The following PCDH10 variants were observed in gnomAD, a reference collection of about 807,000 sequenced individuals.
PCDH10 encodes the protein protocadherin 10.
PCDH10 carries 15 observed loss-of-function variants against 74.4 expected under a neutral mutation model. The ratio of observed to expected loss-of-function variants is 0.20; its 90% confidence interval spans 0.13 to 0.31. PCDH10 has a LOEUF of 0.31. Ranked by LOEUF, PCDH10 falls within the 10% of genes least tolerant of loss-of-function variation. The pLI is 1.00. For synonymous variants in PCDH10, 619 were observed against 589.8 expected (o/e 1.05, Z -0.72); for missense variants, 1,260 against 1,390.2 (o/e 0.91, Z 1.49).
At chr4:133,188,676 T>TG (rs1360370588) in intron 4 of PCDH10, among the ~76,000 whole-genome samples, 2 of 140,448 alleles carry the variant, frequency 1.4e-5, no homozygotes, top group African/African-American at 5.4e-5. Flanking sequence ...TTTTTTTTTT[T>TG]TTTTTTTTTT....
rs373966103 is a variant in PCDH10, at chr4:133,191,000, A to G, written c.*840A>G. 1 of 152,358 alleles carries G rather than the reference A, an allele frequency of 6.6e-6. No homozygotes were observed. Among genetic ancestry groups the G allele is most frequent in the African/African-American group, 2.4e-5 (1 of 41,440 alleles). 9.4% of individuals were successfully genotyped at this position (152,358 alleles called of 1,614,324 possible). A position where few individuals can be genotyped will look rare whatever the true frequency, so the allele number is the denominator to read the frequency against. On this transcript the variant is annotated 3_prime_UTR_variant, in exon 5 of 5. Transcript: ENST00000264360. Reference sequence around the variant, plus strand: ...AAATTTTGTCAAAAACTCATATTGAATTTTCAATGCCAAAGATGTAGCTAT... The same window carrying G: ...AAATTTTGTCAAAAACTCATATTGAGTTTTCAATGCCAAAGATGTAGCTAT...
intron 2 of PCDH10, among the ~76,000 whole-genome samples, chr4:133,204,146 A>G (rs1283102359): frequency 6.6e-6 from 1 of 152,182 alleles, no homozygotes; most frequent in Non-Finnish European, 1.5e-5. Flanking sequence ...ATGGGATGCA[A>G]TGAGGGAAAC....
chr4:133,197,555 A>C (rs1727819835), downstream of PCDH10, among the ~76,000 whole-genome samples: 1 of 152,170 alleles, frequency 6.6e-6, no homozygotes, highest in South Asian at 2.1e-4. Flanking sequence ...AACTTAACTG[A>C]CATTTCTAAG....
At chr4:133,166,527 A>G (rs1488134282) in intron 4 of PCDH10, among the ~76,000 whole-genome samples, 2 of 151,550 alleles carry the variant, frequency 1.3e-5, no homozygotes, top group Non-Finnish European at 3.0e-5. Flanking sequence ...TAATCTCCAT[A>G]AATAAAAATA....
downstream of PCDH10, among the ~76,000 whole-genome samples, chr4:133,197,417 G>A (rs1158487016): frequency 6.6e-6 from 1 of 152,104 alleles, no homozygotes; most frequent in African/African-American, 2.4e-5. Flanking sequence ...TAGCTTGACA[G>A]GCTCTGTTCC....
intron 4 of PCDH10, among the ~76,000 whole-genome samples, chr4:133,179,672 C>G (rs1727367962): frequency 6.6e-6 from 1 of 152,100 alleles, no homozygotes; most frequent in Non-Finnish European, 1.5e-5. Flanking sequence ...CTTATAGATT[C>G]TTAAACATAA....
intron 4 of PCDH10, among the ~76,000 whole-genome samples, chr4:133,178,878 G>A (rs529222496): frequency 8.7e-4 from 130 of 150,090 alleles, no homozygotes; most frequent in African/African-American, 3.1e-3. Context: ...TGATCATTAT[G>A]TGCCTTATTT....
chr4:133,182,698 T>A (rs1329811218), intron 4 of PCDH10, among the ~76,000 whole-genome samples: 1 of 152,102 alleles, frequency 6.6e-6, no homozygotes, highest in African/African-American at 2.4e-5. Flanking sequence ...TCAGAACATC[T>A]GAAAAATAAT....
chr4:133,202,317 A>C (rs976325204), intron 2 of PCDH10, among the ~76,000 whole-genome samples: 5 of 152,170 alleles, frequency 3.3e-5, no homozygotes, highest in Non-Finnish European at 4.4e-5. Context: ...TTAGTAGCTT[A>C]AATAGGAATT....
At chr4:133,165,551 C>T (rs908994863) in intron 4 of PCDH10, among the ~76,000 whole-genome samples, 6 of 151,736 alleles carry the variant, frequency 4.0e-5, no homozygotes, top group Non-Finnish European at 8.9e-5. Context: ...AAGTAAGTCC[C>T]TTGCATAATT....
intron 4 of PCDH10, among the ~76,000 whole-genome samples, chr4:133,181,785 T>A (rs1031017473): frequency 5.3e-5 from 8 of 152,068 alleles, no homozygotes; most frequent in Non-Finnish European, 8.8e-5. Flanking sequence ...TTAGGGAAAA[T>A]CTGATCATCA....
Position 133,152,135 on chromosome 4 carries a change from G to A in PCDH10, c.1995G>A (p.Gln665=). ...TGATCGAGGTGCGCGACCATGGGCA[G>A]CCGCCCCTTTCCTCCACCGCCACCC... ...ELVIEVRDHG[Q]PPLSSTATLV... is the part of the protein sequence containing the mutation. The change falls in exon 1 of 5, where the codon CAG becomes CAA. Residue 665 remains glutamine, a synonymous_variant. Coordinates refer to ENST00000264360, the MANE Select transcript of PCDH10 (RefSeq NM_032961.3). 6.4e-7 allele frequency: 1 copy of A among 1,566,728 alleles called. No homozygotes were observed.
intron 4 of PCDH10, among the ~76,000 whole-genome samples, chr4:133,183,867 T>G (rs1727471205): frequency 6.6e-6 from 1 of 152,170 alleles, no homozygotes; most frequent in Non-Finnish European, 1.5e-5. Flanking sequence ...ATTATTATGC[T>G]CAACATGCTT....
At chr4:133,157,492 CAT>C (rs797009551) in intron 3 of PCDH10, among the ~76,000 whole-genome samples, 15 of 152,170 alleles carry the variant, frequency 9.9e-5, no homozygotes, top group African/African-American at 3.6e-4. Context: ...TAATATTACT[CAT>C]AGCATAGCTT....
At position 133,152,313 on chromosome 4, in the gene PCDH10, G is replaced by A. The variant is rs764358453; in HGVS notation, c.2173G>A (p.Val725Met). The change falls in exon 1 of 5, where the codon GTG (valine) becomes ATG (methionine). Residue 725 changes from valine to methionine, a missense_variant. Transcript: ENST00000264360. Reference protein sequence around the residue: ...TLILIIALGSVSFIFLLAMIV... With the variant: ...TLILIIALGSMSFIFLLAMIV... The stretch of plus-strand genomic sequence containing the variant: ...CATCCTCATCATCGCGTTGGGCTCG[G>A]TGTCCTTCATCTTCCTGCTGGCCAT... The A allele has an allele frequency of 1.9e-6, 3 of 1,614,202 alleles. No homozygotes were observed. Among genetic ancestry groups the A allele is most frequent in the South Asian group, 2.2e-5 (2 of 91,084 alleles).
At chr4:133,167,832 T>A (rs1324592467) in intron 4 of PCDH10, among the ~76,000 whole-genome samples, 1 of 151,400 alleles carries the variant, frequency 6.6e-6, no homozygotes, top group African/African-American at 2.4e-5. Flanking sequence ...TTCATTAAAT[T>A]CCTTTATCCA....
chr4:133,203,979 T>G (rs888637625), intron 2 of PCDH10, among the ~76,000 whole-genome samples: 2 of 151,952 alleles, frequency 1.3e-5, no homozygotes, highest in Non-Finnish European at 2.9e-5. Context: ...TTGGGTAGGG[T>G]TTTTCATTGG....
At chr4:133,173,821 A>G (rs931873283) in intron 4 of PCDH10, among the ~76,000 whole-genome samples, 7 of 151,766 alleles carry the variant, frequency 4.6e-5, no homozygotes, top group Admixed American at 4.6e-4. Context: ...TTTTAGAAAG[A>G]GATTTGGGGA....
At chr4:133,167,755 C>T (rs1727117246) in intron 4 of PCDH10, among the ~76,000 whole-genome samples, 1 of 151,270 alleles carries the variant, frequency 6.6e-6, no homozygotes. Context: ...CTAATTTTCT[C>T]ACTTTTTCAG....
Sources: allele counts gnomAD v4.1 joint callset (sites outside exome capture counted in the v4.1 genomes callset), GRCh38; gene constraint gnomAD v4.1.1; transcripts MANE v1.5; gene names NCBI Gene and HGNC (gene_info 2026-07-23, HGNC 2026-07-21).